Variants in CAMK2G observed in about 807,000 individuals in gnomAD.
The protein encoded by CAMK2G is calcium/calmodulin-dependent protein kinase type II subunit gamma.
CAMK2G carries 23 observed loss-of-function variants against 88.7 expected under a neutral mutation model. The observed-to-expected ratio is 0.26, with a 90% CI of 0.19 to 0.37. The LOEUF is 0.37. Among genes scored for constraint, CAMK2G ranks in the 10% least tolerant of loss-of-function variants. The probability of loss-of-function intolerance (pLI) is 1.00; values close to 1 mark genes in which losing one functional copy is unlikely to be tolerated. For missense variants in CAMK2G, 476 were observed against 780.8 expected (o/e 0.61, Z 4.65); for synonymous variants, 263 against 294.8 (o/e 0.89, Z 1.11).
chr10:73,826,262 G>A (rs1354737115), intron 15 of CAMK2G, among the ~76,000 whole-genome samples: 6 of 152,068 alleles, frequency 3.9e-5, no homozygotes, highest in Admixed American at 6.6e-5. Flanking sequence ...GTGAAACCCC[G>A]TCTCTACTAA....
intron 3 of CAMK2G, 83 bp from the exon 4 acceptor site, chr10:73,853,329 C>A: frequency 1.6e-6 from 2 of 1,262,984 alleles, no homozygotes; most frequent in South Asian, 2.5e-5. Flanking sequence ...CCCACCCCTG[C>A]CCCATCCTGT....
chr10:73,841,167 G>T (rs1207415352), intron 12 of CAMK2G, among the ~76,000 whole-genome samples: 2 of 152,242 alleles, frequency 1.3e-5, no homozygotes, highest in Admixed American at 6.5e-5. Context: ...CAAGGCCCTG[G>T]CGTTACCTGG....
chr10:73,872,253 T>C (rs953984086), intron 2 of CAMK2G, among the ~76,000 whole-genome samples: 9 of 152,164 alleles, frequency 5.9e-5, no homozygotes, highest in African/African-American at 1.9e-4. Flanking sequence ...CTCAGGTACT[T>C]GGGAGGATCT....
At chr10:73,815,670 T>A (rs1325140598) in intron 21 of CAMK2G, among the ~76,000 whole-genome samples, 1 of 152,120 alleles carries the variant, frequency 6.6e-6, no homozygotes. Flanking sequence ...TTAGGCTGAG[T>A]TTAGATTTCA....
intron 21 of CAMK2G, 124 bp from the exon 22 acceptor site, chr10:73,815,371 C>A (rs553137710): frequency 3.7e-5 from 24 of 647,996 alleles, no homozygotes; most frequent in African/African-American, 3.0e-4. Flanking sequence ...CAAGTACCGC[C>A]CCCCCCCACC....
At chr10:73,852,539 T>C in intron 4 of CAMK2G, 1 of 553,388 alleles carries the variant, frequency 1.8e-6, no homozygotes, top group Non-Finnish European at 3.2e-6. Context: ...CATTTCTTTT[T>C]CCAAAATGCA....
intron 12 of CAMK2G, among the ~76,000 whole-genome samples, chr10:73,840,128 T>C (rs1021303208): frequency 6.6e-6 from 1 of 152,016 alleles, no homozygotes; most frequent in African/African-American, 2.4e-5. Context: ...AGTTTACTGG[T>C]GGGCCCCAGC....
rs1171459557 is a variant in CAMK2G at position 73,848,961 on chromosome 10, G to A, written c.517+52C>T. 14 of 1,123,902 alleles carry A rather than the reference G, an allele frequency of 1.2e-5. No homozygotes were observed. Among genetic ancestry groups the A allele is most frequent in the Non-Finnish European group, 1.8e-5 (13 of 732,668 alleles). 69.6% of individuals were successfully genotyped at this position (1,123,902 alleles called of 1,614,324 possible). A position where few individuals can be genotyped will look rare whatever the true frequency, so the allele number is the denominator to read the frequency against. On this transcript the variant is annotated intron_variant, in intron 7 of 22. Coordinates refer to ENST00000423381, the MANE Select transcript of CAMK2G (RefSeq NM_001367534.1). This position sits in a 1 kb window ranked among gnomAD's most constrained non-coding sequence, Gnocchi z 4.5. ...GTTCTAATAGAGGAAGGCAGATCAGGAAGAGGAGGAAGGGCGGGGGCTGCA... is the reference window on the plus strand; with the variant it reads ...GTTCTAATAGAGGAAGGCAGATCAGAAAGAGGAGGAAGGGCGGGGGCTGCA...
chr10:73,854,423 G>A (rs1180427423), intron 3 of CAMK2G, among the ~76,000 whole-genome samples: 2 of 152,108 alleles, frequency 1.3e-5, no homozygotes, highest in Non-Finnish European at 1.5e-5. Flanking sequence ...TCATTCTAAT[G>A]CAGAAACGAC....
intron 5 of CAMK2G, among the ~76,000 whole-genome samples, chr10:73,850,752 C>A (rs1212132087): frequency 6.6e-6 from 1 of 152,152 alleles, no homozygotes; most frequent in Non-Finnish European, 1.5e-5. Context: ...GCCACAAGAA[C>A]CAAGGGGTCG....
chr10:73,821,609 G>T, intron 18 of CAMK2G, 73 bp downstream of exon 18: 1 of 1,118,626 alleles, frequency 8.9e-7, no homozygotes, highest in Non-Finnish European at 1.3e-6. Flanking sequence ...GACAGAAAAG[G>T]CAGGTGCCCC....
At chr10:73,826,249 A>G (rs1290791283) in intron 15 of CAMK2G, among the ~76,000 whole-genome samples, 1 of 152,218 alleles carries the variant, frequency 6.6e-6, no homozygotes, top group African/African-American at 2.4e-5. Flanking sequence ...CCTGGCCAAC[A>G]TGGTGAAACC....
At chr10:73,853,050 C>T (rs2135157663) in intron 4 of CAMK2G, 142 bp downstream of exon 4, 1 of 748,040 alleles carries the variant, frequency 1.3e-6, no homozygotes, top group Non-Finnish European at 2.3e-6. Context: ...GGGCAGCAAT[C>T]TGCCCCAGTC....
At position 73,841,903 on chromosome 10, in the gene CAMK2G, A is replaced by G. The variant is rs2093816915; in HGVS notation, c.946+266T>C. On this transcript the variant is annotated intron_variant, in intron 12 of 22. Transcript: ENST00000423381. ...AGAGTCTTCAGAGAGTTAAATAAGAATCCAGAGAAACAAGGTACATAGCAA... is the reference window on the plus strand; with the variant it reads ...AGAGTCTTCAGAGAGTTAAATAAGAGTCCAGAGAAACAAGGTACATAGCAA... 10 of 484,970 alleles carry G rather than the reference A, an allele frequency of 2.1e-5. No homozygotes were observed. In the South Asian group the frequency reaches 2.2e-4, roughly 11 times the overall value. 30.0% of individuals were successfully genotyped at this position (484,970 alleles called of 1,614,324 possible).
At chr10:73,827,054 G>C (rs373499283) in intron 15 of CAMK2G, among the ~76,000 whole-genome samples, 5 of 152,284 alleles carry the variant, frequency 3.3e-5, no homozygotes, top group African/African-American at 7.2e-5. Flanking sequence ...ATGCTGACCT[G>C]TTCGGGGTTG....
intron 3 of CAMK2G, among the ~76,000 whole-genome samples, chr10:73,860,273 G>A (rs1009555997): frequency 1.1e-4 from 16 of 152,326 alleles, no homozygotes; most frequent in African/African-American, 3.8e-4. Flanking sequence ...GGAGCAGGGA[G>A]AAATCCTCTT....
chr10:73,837,705 G>A (rs1041696321), intron 13 of CAMK2G, among the ~76,000 whole-genome samples, 194 bp from the exon 14 acceptor site: 2 of 152,168 alleles, frequency 1.3e-5, no homozygotes, highest in African/African-American at 2.4e-5. Context: ...CCCTCAGGGT[G>A]GCACCTCAGG....
At chr10:73,825,622 G>A (rs540237547) in intron 15 of CAMK2G, among the ~76,000 whole-genome samples, 48 of 152,298 alleles carry the variant, frequency 3.2e-4, no homozygotes, top group African/African-American at 1.1e-3. Flanking sequence ...TATGCCAGGT[G>A]CCAGGTCATT....
chr10:73,818,129 C>T (rs1184680620), intron 19 of CAMK2G: 3 of 166,608 alleles, frequency 1.8e-5, no homozygotes, highest in African/African-American at 7.2e-5. Context: ...TGCTCAACTC[C>T]ACAGGGCTTT....
Sources: gnomAD v4.1 joint callset for allele counts (sites outside exome capture counted in the v4.1 genomes callset) on GRCh38, gnomAD v4.1.1 for gene constraint, Gnocchi (gnomAD v3.1) non-coding constraint, MANE v1.5 for transcripts, NCBI Gene and HGNC (gene_info 2026-07-23, HGNC 2026-07-21) for gene names.